MYT1L: variants seen among roughly 807,000 people sequenced by gnomAD.
MYT1L encodes the protein myelin transcription factor 1-like protein.
A neutral mutation model predicts 126.7 loss-of-function variants in MYT1L; 12 were observed. The observed-to-expected ratio is 0.09, with a 90% confidence interval of 0.06 to 0.15. The LOEUF (loss-of-function observed/expected upper bound fraction) is 0.15, where lower values mean the gene tolerates loss of function less well. Among genes scored for constraint, MYT1L ranks in the 10% least tolerant of loss-of-function variants. The pLI, the probability that MYT1L is intolerant of heterozygous loss-of-function variation, is 1.00. For synonymous variants in MYT1L, 541 were observed against 604.2 expected, an observed-to-expected ratio of 0.90 and a Z score of 1.53; for missense variants, 979 against 1,585.2, an observed-to-expected ratio of 0.62 and a Z score of 6.49.
intron 3 of MYT1L, among the ~76,000 whole-genome samples, chr2:2,169,938 AGG>A (rs1339006884): frequency 6.6e-5 from 10 of 152,246 alleles, no homozygotes; most frequent in Non-Finnish European, 1.2e-4. Context: ...CTAGTCAGAC[AGG>A]GTGATACAGG....
chr2:2,297,874 G>A (rs1433179163), intron 1 of MYT1L, among the ~76,000 whole-genome samples: 1 of 152,152 alleles, frequency 6.6e-6, no homozygotes, highest in Non-Finnish European at 1.5e-5. Context: ...CCCACAAAAG[G>A]GGATATTGAG....
chr2:1,979,985 G>C lies in MYT1L; in HGVS notation c.1-208C>G, dbSNP rs2060482023. 6.6e-6 allele frequency among the ~76,000 whole-genome samples: 1 copy of C among 152,024 alleles called. No individual in the cohort carries two copies. Among genetic ancestry groups the C allele is most frequent in the Admixed American group, 6.5e-5 (1 of 15,270 alleles). On this transcript the variant is annotated intron_variant, in intron 5 of 24. Coordinates refer to ENST00000647738, the MANE Select transcript of MYT1L (RefSeq NM_001303052.2). The surrounding 1 kb of genome is among the most constrained non-coding windows in gnomAD (Gnocchi z 4.0). ...TTATAAACAGACCTTAACCTTGTAG[G>C]GAATATTTAATCAGGAGGCCCTTGT...
chr2:2,024,037 T>A (rs1350221155), intron 4 of MYT1L, among the ~76,000 whole-genome samples: 3 of 152,232 alleles, frequency 2.0e-5, no homozygotes, highest in Admixed American at 6.5e-5. Context: ...ATATTTTACG[T>A]TGATTTTTAA....
intron 2 of MYT1L, among the ~76,000 whole-genome samples, chr2:2,201,421 C>T (rs1054349147): frequency 5.9e-5 from 9 of 152,024 alleles, no homozygotes; most frequent in East Asian, 1.9e-4. Context: ...AAGTGTTGGC[C>T]GGGTGCGGTG....
At chr2:2,090,115 G>T (rs2076762225) in intron 3 of MYT1L, among the ~76,000 whole-genome samples, 2 of 152,196 alleles carry the variant, frequency 1.3e-5, no homozygotes, top group African/African-American at 2.4e-5. Flanking sequence ...AGAGCAAACA[G>T]AAATGAAGGA....
At chr2:2,180,100 T>C (rs1220665445) in intron 2 of MYT1L, among the ~76,000 whole-genome samples, 1 of 152,160 alleles carries the variant, frequency 6.6e-6, no homozygotes, top group Non-Finnish European at 1.5e-5. Flanking sequence ...ACTAGGGTGC[T>C]TGAAGATGGG....
chr2:2,262,915 A>AATATATATATATAT lies in MYT1L; in HGVS notation c.-421+21475_-421+21488dup, dbSNP rs61461867. On this transcript the variant is annotated intron_variant, in intron 2 of 24. Transcript: ENST00000647738. ...GTTTTTACCCCAGGTGAGAGGCACA[A>AATATATATATATAT]ATATATATATATATATAACCTGTGA... is the stretch of plus-strand genomic sequence containing the variant. 1.1e-3 allele frequency among the ~76,000 whole-genome samples: 68 copies of AATATATATATATAT among 62,464 alleles called. 2 individuals carry two copies. Among genetic ancestry groups the AATATATATATATAT allele is most frequent in the Admixed American group, 7.3e-3 (47 of 6,478 alleles). 41.0% of individuals were successfully genotyped at this position (62,464 alleles called of 152,430 possible).
chr2:2,087,082 G>A lies in MYT1L; in HGVS notation c.-303-32959C>T, dbSNP rs148982284. Among the ~76,000 whole-genome samples the A allele has an allele frequency of 1.8e-4, 28 of 152,258 alleles. No individual in the cohort carries two copies. The East Asian group carries it at 5.4e-3, about 30-fold the overall frequency. ...GCCCAGGCTGACCCCACTGTCCCCT[G>A]CAACCAGGATTCCACACGTAACTCC... On this transcript the variant is annotated intron_variant, in intron 3 of 24. Transcript: ENST00000647738.
chr2:1,873,557 C>A (rs1469293701), intron 18 of MYT1L, among the ~76,000 whole-genome samples: 1 of 152,140 alleles, frequency 6.6e-6, no homozygotes, highest in Non-Finnish European at 1.5e-5. Context: ...GAAATGCCAG[C>A]ATTAATAAGA....
Position 2,148,794 on chromosome 2 carries a change from C to T in MYT1L, c.-304+24078G>A, listed in dbSNP as rs1321066055. On this transcript the variant is annotated intron_variant, in intron 3 of 24. Transcript: ENST00000647738. ...TCTTAACACTTTTAGTAAGTTAGTG[C>T]ACAGCATGAGCCTCCAAAAGGCAGA... 2.0e-5 allele frequency among the ~76,000 whole-genome samples: 3 copies of T among 152,264 alleles called. No homozygotes were observed. In the East Asian group the frequency reaches 5.8e-4, roughly 29 times the overall value.
chr2:1,846,829 G>T (rs187381057), intron 19 of MYT1L, among the ~76,000 whole-genome samples: 1 of 152,204 alleles, frequency 6.6e-6, no homozygotes, highest in Non-Finnish European at 1.5e-5. Flanking sequence ...GGTTGGACAA[G>T]CACCACCTTA....
chr2:1,902,916 C>T (rs1460836995), intron 14 of MYT1L, 164 bp downstream of exon 14: 3 of 639,764 alleles, frequency 4.7e-6, no homozygotes, highest in African/African-American at 3.6e-5. Context: ...GCTGTGTGGA[C>T]CTGAGGGGCT....
At chr2:2,286,815 C>A (rs916777328) in intron 1 of MYT1L, among the ~76,000 whole-genome samples, 3 of 152,182 alleles carry the variant, frequency 2.0e-5, no homozygotes, top group Non-Finnish European at 4.4e-5. Flanking sequence ...CCCACCTGCA[C>A]TTGAAAGGCC....
chr2:2,200,119 G>T (rs1309559588), intron 2 of MYT1L, among the ~76,000 whole-genome samples: 6 of 152,084 alleles, frequency 3.9e-5, no homozygotes, highest in African/African-American at 1.4e-4. Flanking sequence ...GCTGAGGCAG[G>T]TTTCGTGACA....
intron 19 of MYT1L, among the ~76,000 whole-genome samples, chr2:1,844,039 TG>T (rs1318213619): frequency 6.6e-6 from 1 of 152,190 alleles, no homozygotes; most frequent in Non-Finnish European, 1.5e-5. Context: ...TGGTCTCTTC[TG>T]GGGCACTAGC....
intron 2 of MYT1L, among the ~76,000 whole-genome samples, chr2:2,226,887 T>C (rs2094023998): frequency 6.6e-6 from 1 of 152,216 alleles, no homozygotes; most frequent in Non-Finnish European, 1.5e-5. Flanking sequence ...TAGCACTAAG[T>C]AGATAAGCTC....
chr2:1,849,221 G>A (rs1014171302), intron 19 of MYT1L, among the ~76,000 whole-genome samples: 4 of 151,936 alleles, frequency 2.6e-5, no homozygotes, highest in Admixed American at 2.0e-4. Context: ...TTCACCTTAC[G>A]GGGTGCTGAC....
chr2:2,292,738 A>G, intron 1 of MYT1L, among the ~76,000 whole-genome samples: 1 of 152,174 alleles, frequency 6.6e-6, no homozygotes, highest in East Asian at 1.9e-4. Context: ...AAGTGGTTCT[A>G]CATCCTGATA....
intron 18 of MYT1L, among the ~76,000 whole-genome samples, chr2:1,856,599 T>C (rs2043952967): frequency 6.6e-6 from 1 of 152,214 alleles, no homozygotes; most frequent in Non-Finnish European, 1.5e-5. Flanking sequence ...GAAACAGCTG[T>C]GTCTACCGAC....
Sources: gnomAD v4.1 joint callset for allele counts (sites outside exome capture counted in the v4.1 genomes callset) on GRCh38, gnomAD v4.1.1 for gene constraint, Gnocchi (gnomAD v3.1) non-coding constraint, MANE v1.5 for transcripts, NCBI Gene and HGNC (gene_info 2026-07-23, HGNC 2026-07-21) for gene names.